GRAMD2B: variants seen among roughly 807,000 people sequenced by gnomAD.
GRAMD2B encodes the protein GRAM domain containing 2B.
In GRAMD2B, 41 loss-of-function variants were observed where a neutral mutation model predicts 59.2. The observed-to-expected ratio is 0.69, with a 90% CI of 0.54 to 0.90. The LOEUF is 0.90. GRAMD2B is among the 40% of genes least tolerant of loss of function. The pLI, the probability that GRAMD2B is intolerant of heterozygous loss-of-function variation, is 0.00. For synonymous variants in GRAMD2B, 161 were observed against 182.7 expected (o/e 0.88, Z 0.96); for missense variants, 424 against 500.5 (o/e 0.85, Z 1.46).
At chr5:126,424,625 C>A (rs769111997) in intron 1 of GRAMD2B, among the ~76,000 whole-genome samples, 73 of 152,208 alleles carry the variant, frequency 4.8e-4, no homozygotes, top group Admixed American at 9.2e-4. Flanking sequence ...TCCCCATGGA[C>A]ATTTCTTCTA....
At chr5:126,407,159 C>CCTA (rs1758333446) in intron 1 of GRAMD2B, among the ~76,000 whole-genome samples, 1 of 151,954 alleles carries the variant, frequency 6.6e-6, no homozygotes, top group Non-Finnish European at 1.5e-5. Flanking sequence ...AGGTAAGTAG[C>CCTA]CTACTTGGAC....
intron 1 of GRAMD2B, among the ~76,000 whole-genome samples, chr5:126,377,147 A>C (rs1755261177): frequency 6.8e-6 from 1 of 147,622 alleles, no homozygotes; most frequent in South Asian, 2.3e-4. Context: ...GCTGTTGAAC[A>C]TGCTGGAAGT....
At chr5:126,382,540 G>A (rs1168398552) in intron 1 of GRAMD2B, among the ~76,000 whole-genome samples, 1 of 152,020 alleles carries the variant, frequency 6.6e-6, no homozygotes, top group East Asian at 1.9e-4. Context: ...TCCAGAAGTT[G>A]TGATTGTTTT....
At chr5:126,465,225 G>C in intron 1 of GRAMD2B, 1 of 1,422,114 alleles carries the variant, frequency 7.0e-7, no homozygotes, top group South Asian at 1.5e-5. Context: ...AAACAGGTGC[G>C]ACCTGCAGCT....
chr5:126,365,764 A>G (rs1754413954), intron 1 of GRAMD2B, among the ~76,000 whole-genome samples: 2 of 152,120 alleles, frequency 1.3e-5, no homozygotes, highest in South Asian at 2.1e-4. Flanking sequence ...AATAATAAAC[A>G]TATCAATCAA....
chr5:126,433,637 T>C (rs1761947338), intron 1 of GRAMD2B: 1 of 152,266 alleles, frequency 6.6e-6, no homozygotes, highest in Non-Finnish European at 1.5e-5. Context: ...TATTTATCTG[T>C]GCTCCAGCTT....
chr5:126,447,671 G>GA (rs113356500), intron 1 of GRAMD2B, among the ~76,000 whole-genome samples: 43,741 of 119,972 alleles, frequency 0.36, 7,390 homozygotes, highest in Middle Eastern at 0.48. Flanking sequence ...CTCAAAAAAA[G>GA]AAAAAAAAAA....
At chr5:126,383,402 G>A (rs1241916998) in intron 1 of GRAMD2B, among the ~76,000 whole-genome samples, 1 of 152,188 alleles carries the variant, frequency 6.6e-6, no homozygotes, top group Non-Finnish European at 1.5e-5. Context: ...GGGGCAAATT[G>A]GGAAGCCCTG....
At chr5:126,366,948 G>T (rs745545425), upstream of GRAMD2B, among the ~76,000 whole-genome samples, 5 of 150,292 alleles carry the variant, frequency 3.3e-5, no homozygotes, top group Non-Finnish European at 7.4e-5. Context: ...TCCGCCTTCC[G>T]GATCCAAGCG....
In GRAMD2B at chr5:126,488,864, T is replaced by C; in HGVS notation, c.1229T>C (p.Leu410Pro). 6.2e-7 allele frequency: 1 copy of C among 1,613,470 alleles called. No homozygotes were observed. The highest frequency in any genetic ancestry group is 1.1e-5 in the South Asian group (1 of 91,058). Residue 410 changes from leucine (L) to proline (P), a missense_variant, in exon 13 of 14, where the codon CTT (leucine) becomes CCT (proline). Transcript: ENST00000285689. ...QFNVEVLCQELTANIVKLEKI... is the reference protein window; with the variant it reads ...QFNVEVLCQEPTANIVKLEKI... Reference sequence around the variant, plus strand: ...AATGTGGAGGTTCTCTGTCAAGAGCTTACAGCTAACATAGTGAAATTAGAA... The same window carrying C: ...AATGTGGAGGTTCTCTGTCAAGAGCCTACAGCTAACATAGTGAAATTAGAA...
At chr5:126,457,922 T>A (rs1024605478) in intron 1 of GRAMD2B, among the ~76,000 whole-genome samples, 4 of 152,118 alleles carry the variant, frequency 2.6e-5, no homozygotes, top group Admixed American at 6.5e-5. Context: ...ACATTGTGAT[T>A]CTTTTTCATG....
intron 1 of GRAMD2B, chr5:126,458,682 G>A (rs1018899209): frequency 1.3e-5 from 2 of 152,262 alleles, no homozygotes; most frequent in East Asian, 3.9e-4. Flanking sequence ...AAGTTGTTCA[G>A]TTATTTTAGC....
At chr5:126,452,942 T>C (rs1248464064) in intron 1 of GRAMD2B, among the ~76,000 whole-genome samples, 1 of 152,224 alleles carries the variant, frequency 6.6e-6, no homozygotes, top group African/African-American at 2.4e-5. Context: ...CTTTTCATTC[T>C]AGTTAAAAAC....
intron 1 of GRAMD2B, among the ~76,000 whole-genome samples, chr5:126,457,386 C>T (rs961098336): frequency 1.3e-5 from 2 of 152,052 alleles, no homozygotes; most frequent in African/African-American, 4.8e-5. Context: ...GTAATCCCAG[C>T]ACTTTGGGAG....
chr5:126,385,127 C>T (rs1018255852), intron 1 of GRAMD2B, among the ~76,000 whole-genome samples: 2 of 152,140 alleles, frequency 1.3e-5, no homozygotes, highest in Admixed American at 6.6e-5. Context: ...CCCAGGAGGG[C>T]TGAAGCTCAG....
intron 1 of GRAMD2B, among the ~76,000 whole-genome samples, chr5:126,375,481 T>A (rs1437202428): frequency 6.6e-6 from 1 of 152,030 alleles, no homozygotes; most frequent in African/African-American, 2.4e-5. Context: ...ACCATTCTCC[T>A]GCCTCAGCCT....
chr5:126,370,497 G>A (rs1212934648), upstream of GRAMD2B, among the ~76,000 whole-genome samples: 1 of 152,224 alleles, frequency 6.6e-6, no homozygotes, highest in African/African-American at 2.4e-5. Flanking sequence ...TGCTAGTAAC[G>A]AGGGTGGAGG....
At chr5:126,450,948 G>A (rs762037959) in intron 1 of GRAMD2B, among the ~76,000 whole-genome samples, 70 of 152,260 alleles carry the variant, frequency 4.6e-4, no homozygotes, top group Middle Eastern at 3.2e-3. Context: ...GCAGTGCTGA[G>A]GGGAAATATG....
At chr5:126,466,289 C>T (rs1408795627) in intron 2 of GRAMD2B, 3 of 1,538,822 alleles carry the variant, frequency 1.9e-6, no homozygotes, top group Non-Finnish European at 2.6e-6. Flanking sequence ...TTCCTGGCTT[C>T]CCAGCCCATA....
Sources: gnomAD v4.1 joint callset for allele counts (sites outside exome capture counted in the v4.1 genomes callset) on GRCh38, gnomAD v4.1.1 for gene constraint, MANE v1.5 for transcripts, NCBI Gene and HGNC (gene_info 2026-07-23, HGNC 2026-07-21) for gene names.